The following OAS2 variants were observed in gnomAD, a reference collection of about 807,000 sequenced individuals.
OAS2 encodes 2'-5'-oligoadenylate synthase 2.
Under a neutral mutation model 71.3 loss-of-function variants are expected in OAS2, and 67 were observed. That is an observed-to-expected ratio of 0.94 (90% confidence interval 0.77 to 1.15). The LOEUF is 1.15. OAS2 is among the 50% of genes most tolerant of loss of function. The pLI, the probability that OAS2 is intolerant of heterozygous loss-of-function variation, is 0.00. For missense variants in OAS2, 789 were observed against 822.5 expected (o/e 0.96, Z 0.50); for synonymous variants, 327 against 321.8 (o/e 1.02, Z -0.17).
chr12:112,988,543 G>C, intron 2 of OAS2: 1 of 879,930 alleles, frequency 1.1e-6, no homozygotes, highest in Non-Finnish European at 1.4e-6. Flanking sequence ...ATCCTTTTAG[G>C]TTATAGTTCA....
chr12:112,987,496 C>T (rs2044150468), intron 2 of OAS2, 188 bp downstream of exon 2: 4 of 1,432,972 alleles, frequency 2.8e-6, no homozygotes, highest in Non-Finnish European at 2.7e-6. Flanking sequence ...AACTTCTCCC[C>T]CATACCCTGA....
At position 113,005,019 on chromosome 12, in the gene OAS2, C is replaced by A. The variant is rs1404382334; in HGVS notation, c.1265C>A (p.Thr422Asn). The A allele has an allele frequency of 1.2e-6, 2 of 1,614,036 alleles. No individual in the cohort carries two copies. The highest frequency in any genetic ancestry group is 1.3e-5 in the African/African-American group (1 of 74,908). ...VVFHNSLKSYTSQKNERHKIV... is the reference protein window; with the variant it reads ...VVFHNSLKSYNSQKNERHKIV... ...TTCCATAACTCACTTAAAAGCTACA[C>A]CTCCCAAAAAAACGAGCGGCACAAA... Residue 422 changes from threonine to asparagine, a missense_variant, in exon 7 of 10, where the codon ACC (threonine) becomes AAC (asparagine). Transcript: ENST00000392583.
At chr12:113,003,984 C>T (rs1444897087) in intron 6 of OAS2, among the ~76,000 whole-genome samples, 4 of 152,212 alleles carry the variant, frequency 2.6e-5, no homozygotes, top group African/African-American at 9.7e-5. Flanking sequence ...GTGCTTTCTC[C>T]TCTCCTTCCT....
At position 113,009,635 on chromosome 12, in the gene OAS2, G is replaced by C; in HGVS notation, c.*380G>C. 3.0e-6 allele frequency: 3 copies of C among 994,858 alleles called. No individual in the cohort carries two copies. Among genetic ancestry groups the C allele is most frequent in the Non-Finnish European group, 3.6e-6 (3 of 836,610 alleles). 61.6% of individuals were successfully genotyped at this position (994,858 alleles called of 1,614,324 possible). ...TTATGGCCCTGAAAGCGGCCACGGT[G>C]CCTCCAGATGGCAGGTTTGCAATCC... On this transcript the variant is annotated 3_prime_UTR_variant, in exon 10 of 10. Coordinates refer to ENST00000392583, the MANE Select transcript of OAS2 (RefSeq NM_002535.3).
chr12:113,009,029 C>T, intron 9 of OAS2, 58 bp from the exon 10 acceptor site: 13 of 1,569,740 alleles, frequency 8.3e-6, no homozygotes, highest in Non-Finnish European at 9.5e-6. Context: ...GGATGGACCC[C>T]AAATTCTGAA....
chr12:113,000,714 C>T (rs1424832951), intron 5 of OAS2, among the ~76,000 whole-genome samples: 1 of 152,076 alleles, frequency 6.6e-6, no homozygotes, highest in Non-Finnish European at 1.5e-5. Context: ...ACACCATGCA[C>T]ACACATGCAC....
intron 2 of OAS2, chr12:112,988,605 T>C: frequency 2.0e-6 from 2 of 985,406 alleles, no homozygotes; most frequent in Non-Finnish European, 2.4e-6. Context: ...GGAGGCAGCT[T>C]TAGGCTAAAC....
Position 113,009,543 on chromosome 12 carries a change from C to A in OAS2, c.*288C>A. 1 of 1,093,024 alleles carries A rather than the reference C, an allele frequency of 9.1e-7. No individual in the cohort carries two copies. 67.7% of individuals were successfully genotyped at this position (1,093,024 alleles called of 1,614,324 possible). A position where few individuals can be genotyped will look rare whatever the true frequency, so the allele number is the denominator to read the frequency against. On this transcript the variant is annotated 3_prime_UTR_variant, in exon 10 of 10. Transcript: ENST00000392583. Reference sequence around the variant, plus strand: ...GTCTTCAGACATTGTCAAACGTTCCCCTGGGTTCACAGATCTTTCTGCCTT... The same window carrying A: ...GTCTTCAGACATTGTCAAACGTTCCACTGGGTTCACAGATCTTTCTGCCTT...
At position 112,978,800 on chromosome 12, in the gene OAS2, G is replaced by A; in HGVS notation, c.177+15G>A. Reference sequence around the variant, plus strand: ...GAGTGGCCATAGTGAGTCCAGGGCTGAGGTTGGGTCTCTGGGAGGCAGGAG... The same window carrying A: ...GAGTGGCCATAGTGAGTCCAGGGCTAAGGTTGGGTCTCTGGGAGGCAGGAG... On this transcript the variant is annotated intron_variant, in intron 1 of 9. Coordinates refer to ENST00000392583, the MANE Select transcript of OAS2 (RefSeq NM_002535.3). This position sits in a 1 kb window ranked among gnomAD's most constrained non-coding sequence, Gnocchi z 4.2. The A allele has an allele frequency of 1.3e-6, 2 of 1,595,332 alleles. No homozygotes were observed.
Position 113,010,331 on chromosome 12 carries a change from C to A in OAS2, c.*1076C>A, listed in dbSNP as rs779258534. 16 of 1,599,170 alleles carry A rather than the reference C, an allele frequency of 1.0e-5. No individual in the cohort carries two copies. Among genetic ancestry groups the A allele is most frequent in the Non-Finnish European group, 1.4e-5 (16 of 1,174,810 alleles). ...TAACTCTTTTAAGCAATGATTGTAACTATTAGGAGACATTGCTCTCCCACG... is the reference window on the plus strand; with the variant it reads ...TAACTCTTTTAAGCAATGATTGTAAATATTAGGAGACATTGCTCTCCCACG... On this transcript the variant is annotated 3_prime_UTR_variant, in exon 10 of 10. Transcript: ENST00000392583.
Position 113,010,596 on chromosome 12 carries a change from T to C in OAS2, c.*1341T>C. On this transcript the variant is annotated 3_prime_UTR_variant, in exon 10 of 10. Transcript: ENST00000392583. ...CTCCTTCCCTTGCTTCTTGGACTTC[T>C]TGAAATCAATCAAGACTGCAAACCC... is the stretch of plus-strand genomic sequence containing the variant. 1.4e-6 allele frequency: 2 copies of C among 1,478,088 alleles called. No homozygotes were observed. The highest frequency in any genetic ancestry group is 1.8e-4 in the Middle Eastern group (1 of 5,542). 91.6% of individuals were successfully genotyped at this position (1,478,088 alleles called of 1,614,324 possible). A position where few individuals can be genotyped will look rare whatever the true frequency, so the allele number is the denominator to read the frequency against.
intron 3 of OAS2, among the ~76,000 whole-genome samples, chr12:112,996,926 T>C (rs985400561): frequency 6.6e-6 from 1 of 152,086 alleles, no homozygotes; most frequent in Non-Finnish European, 1.5e-5. Context: ...CAGGAAGAAA[T>C]TTAGAACAAA....
rs756465201 is a variant in OAS2, at chr12:112,987,382, C to T, written c.448+74C>T. 20 of 1,582,078 alleles carry T rather than the reference C, an allele frequency of 1.3e-5. No homozygotes were observed. In the African/African-American group the frequency reaches 2.2e-4, roughly 17 times the overall value. ...AGACAGCTCTGTGCAACCTCTAGGC[C>T]ATGAGTGGGATAGATACCACTGCTG... On this transcript the variant is annotated intron_variant, in intron 2 of 9. Coordinates refer to ENST00000392583, the MANE Select transcript of OAS2 (RefSeq NM_002535.3).
Position 113,007,768 on chromosome 12 carries a change from A to G in OAS2, c.1720A>G (p.Ile574Val), listed in dbSNP as rs200722340. 2.2e-5 allele frequency: 36 copies of G among 1,614,146 alleles called. No individual in the cohort carries two copies. In the East Asian group the frequency reaches 3.3e-4, roughly 15 times the overall value. The change falls in exon 9 of 10, where the codon ATC (isoleucine) becomes GTC (valine). Residue 574 changes from isoleucine (I) to valine (V), a missense_variant. Ile to Val is a conservative substitution (Grantham distance 29). Coordinates refer to ENST00000392583, the MANE Select transcript of OAS2 (RefSeq NM_002535.3). ...AAAGTATGCCTTGGAGCTGCTCACCATCTATGCCTGGGAGCAGGGGAGTGG... is the reference window on the plus strand; with the variant it reads ...AAAGTATGCCTTGGAGCTGCTCACCGTCTATGCCTGGGAGCAGGGGAGTGG... ...PPKYALELLT[I>V]YAWEQGSGVP...
chr12:112,995,078 A>G (rs911901583), intron 2 of OAS2, among the ~76,000 whole-genome samples: 11 of 152,128 alleles, frequency 7.2e-5, no homozygotes, highest in African/African-American at 2.4e-4. Flanking sequence ...GGTTAACACC[A>G]TACTGTTTTC....
intron 1 of OAS2, among the ~76,000 whole-genome samples, chr12:112,979,935 T>C (rs1339769970): frequency 6.6e-6 from 1 of 152,240 alleles, no homozygotes; most frequent in African/African-American, 2.4e-5. Context: ...AAGCTGGGAA[T>C]GTAAACCAGG....
intron 2 of OAS2, 101 bp from the exon 3 acceptor site, chr12:112,995,195 G>T (rs112521547): frequency 2.9e-6 from 3 of 1,030,876 alleles, no homozygotes; most frequent in Non-Finnish European, 1.4e-6. Context: ...AGCAAGAGTC[G>T]TGTGCTATCA....
rs755936189 is a variant in OAS2, at chr12:113,007,947, C to T, written c.1895+4C>T. ...TGAGCCAGTTGCAGAAAACCAGGTG[C>T]CTTCACCCTAGCCCCGTACTTTTCT... is the stretch of plus-strand genomic sequence containing the variant. On this transcript the variant is annotated splice_donor_region_variant and intron_variant, in intron 9 of 9. Coordinates refer to ENST00000392583, the MANE Select transcript of OAS2 (RefSeq NM_002535.3). The T allele has an allele frequency of 1.2e-6, 2 of 1,600,512 alleles. No individual in the cohort carries two copies. Among genetic ancestry groups the T allele is most frequent in the Non-Finnish European group, 1.7e-6 (2 of 1,167,760 alleles).
rs568491284 is a variant in OAS2, at chr12:112,978,875, T to C, written c.177+90T>C. ...GCTACTGGGTGCTGGGTGCCTATTA[T>C]GTGCGAGGCCCACACTTGGGTGGGA... is the stretch of plus-strand genomic sequence containing the variant. On this transcript the variant is annotated intron_variant, in intron 1 of 9. Coordinates refer to ENST00000392583, the MANE Select transcript of OAS2 (RefSeq NM_002535.3). The surrounding 1 kb of genome is among the most constrained non-coding windows in gnomAD (Gnocchi z 4.2). The C allele has an allele frequency of 2.3e-6, 3 of 1,276,882 alleles. No individual in the cohort carries two copies. The highest frequency in any genetic ancestry group is 5.0e-5 in the East Asian group (2 of 40,400). 79.1% of individuals were successfully genotyped at this position (1,276,882 alleles called of 1,614,324 possible).
Sources: allele counts gnomAD v4.1 joint callset (sites outside exome capture counted in the v4.1 genomes callset), GRCh38; gene constraint gnomAD v4.1.1; non-coding constraint Gnocchi (gnomAD v3.1); transcripts MANE v1.5; gene names NCBI Gene and HGNC (gene_info 2026-07-23, HGNC 2026-07-21).